CCND3: variants seen among roughly 807,000 people sequenced by gnomAD.
CCND3 encodes G1/S-specific cyclin-D3.
In CCND3, 9 loss-of-function variants were observed where a neutral mutation model predicts 28.7. That is an observed-to-expected ratio of 0.31 (90% CI 0.19 to 0.55). CCND3 has a LOEUF of 0.55. CCND3 is among the 20% of genes least tolerant of loss of function. CCND3 has a pLI of 0.93. For missense variants in CCND3, 315 were observed against 385.8 expected (o/e 0.82, Z 1.54); for synonymous variants, 164 against 163.9 (o/e 1.00, Z 0.00).
At chr6:42,049,796 G>A (rs994847804), upstream of CCND3, 2 of 152,300 alleles carry the variant, frequency 1.3e-5, no homozygotes, top group African/African-American at 4.8e-5. Flanking sequence ...ATGCTCCAGG[G>A]TTTCCCAACA....
rs1047668350 is a variant in CCND3, at chr6:41,988,854, G to A, written c.-45-48269C>T. On this transcript the variant is annotated intron_variant, in intron 1 of 4. Coordinates refer to the CCND3 transcript ENST00000372988. ...GCTGGGACTACAGGCGCCTGCCACCGCGCCCAGCTAATTTTTTTGTATTTT... is the reference window on the plus strand; with the variant it reads ...GCTGGGACTACAGGCGCCTGCCACCACGCCCAGCTAATTTTTTTGTATTTT... 3.3e-5 allele frequency among the ~76,000 whole-genome samples: 5 copies of A among 151,008 alleles called. 1 individual carries two copies. Among genetic ancestry groups the A allele is most frequent in the African/African-American group, 7.3e-5 (3 of 41,190 alleles).
intron 1 of CCND3, among the ~76,000 whole-genome samples, chr6:42,004,743 AAAAG>A (rs1763129321): frequency 6.6e-6 from 1 of 152,188 alleles, no homozygotes; most frequent in Non-Finnish European, 1.5e-5. Context: ...AAAAAAAAGA[AAAAG>A]AAAGAATAAC....
At chr6:41,998,945 C>A (rs987344284) in intron 1 of CCND3, among the ~76,000 whole-genome samples, 1 of 152,156 alleles carries the variant, frequency 6.6e-6, no homozygotes, top group African/African-American at 2.4e-5. Context: ...TCCCCAAGTG[C>A]CGGGATTACA....
intron 1 of CCND3, among the ~76,000 whole-genome samples, chr6:42,034,631 C>T (rs1431807367): frequency 1.3e-5 from 2 of 151,802 alleles, no homozygotes; most frequent in African/African-American, 2.4e-5. Flanking sequence ...GCTCGTGCCA[C>T]CATGCCCGGT....
intron 1 of CCND3, 77 bp from the exon 2 acceptor site, chr6:41,940,662 G>A (rs1775972972): frequency 9.4e-7 from 1 of 1,061,420 alleles, no homozygotes; most frequent in Non-Finnish European, 1.5e-6. Flanking sequence ...GCGCTGAAGT[G>A]AGGTGGGATA....
rs898176279 is a variant in CCND3, at chr6:42,008,006, G to A, written c.-46+40495C>T. Among the ~76,000 whole-genome samples, 6 of 152,086 alleles carry A rather than the reference G, an allele frequency of 3.9e-5. No individual in the cohort carries two copies. In the East Asian group the frequency reaches 7.7e-4, roughly 20 times the overall value. On this transcript the variant is annotated intron_variant, in intron 1 of 4. Coordinates refer to the CCND3 transcript ENST00000372988. ...CTGGCGGGGGAGCTGGGGGCTGGGGGAAGTGGGGAGAGGAAGAAAGGAGGC... is the reference window on the plus strand; with the variant it reads ...CTGGCGGGGGAGCTGGGGGCTGGGGAAAGTGGGGAGAGGAAGAAAGGAGGC...
In CCND3 at chr6:41,936,339, C is replaced by T; in HGVS notation, c.711+220G>A. On this transcript the variant is annotated intron_variant, in intron 4 of 4. Coordinates refer to ENST00000372991, the MANE Select transcript of CCND3 (RefSeq NM_001760.5). This position sits in a 1 kb window ranked among gnomAD's most constrained non-coding sequence, Gnocchi z 4.4. Reference sequence around the variant, plus strand: ...CCCCCACCCCCACTCCAGCACACCACTTGGCAAGAAAAGAACCCCTAGGGC... The same window carrying T: ...CCCCCACCCCCACTCCAGCACACCATTTGGCAAGAAAAGAACCCCTAGGGC... 1 of 668,902 alleles carries T rather than the reference C, an allele frequency of 1.5e-6. No homozygotes were observed. Among genetic ancestry groups the T allele is most frequent in the Middle Eastern group, 4.2e-4 (1 of 2,382 alleles). 41.4% of individuals were successfully genotyped at this position (668,902 alleles called of 1,614,324 possible).
At chr6:41,964,357 T>G (rs1210993633) in intron 1 of CCND3, among the ~76,000 whole-genome samples, 1 of 146,950 alleles carries the variant, frequency 6.8e-6, no homozygotes, top group Non-Finnish European at 1.5e-5. Context: ...TGTGAGTCTG[T>G]GTGTGTATGT....
At chr6:41,978,725 G>A (rs1258942751) in intron 1 of CCND3, among the ~76,000 whole-genome samples, 2 of 152,092 alleles carry the variant, frequency 1.3e-5, no homozygotes, top group East Asian at 3.8e-4. Context: ...TTTACACCCA[G>A]AGAGAAATAC....
Position 41,957,031 on chromosome 6 carries a change from AAAAC to A in CCND3, c.-45-16450_-45-16447del, listed in dbSNP as rs368447729. Among the ~76,000 whole-genome samples the A allele has an allele frequency of 8.9e-3, 1,356 of 152,316 alleles. 7 individuals carry two copies. The highest frequency in any genetic ancestry group is 0.015 in the Non-Finnish European group (1,023 of 68,016). On this transcript the variant is annotated intron_variant, in intron 1 of 4. Transcript: ENST00000372988. ...GGGCAACAGAATGAGACTCCGTCTCAAAACAAACAAACAAACAAACAAAAAACAA... is the reference window on the plus strand; with the variant it reads ...GGGCAACAGAATGAGACTCCGTCTCAAAACAAACAAACAAACAAAAAACAA...
At chr6:42,040,678 C>G (rs572109133) in intron 1 of CCND3, among the ~76,000 whole-genome samples, 1 of 151,918 alleles carries the variant, frequency 6.6e-6, no homozygotes, top group African/African-American at 2.4e-5. Context: ...ATGGTGAAAC[C>G]CAGTCTCTAC....
At chr6:41,997,468 G>A (rs1561979265) in intron 1 of CCND3, among the ~76,000 whole-genome samples, 1 of 152,114 alleles carries the variant, frequency 6.6e-6, no homozygotes, top group Non-Finnish European at 1.5e-5. Context: ...AGGTAGATTG[G>A]GAGCAAAACC....
At chr6:42,035,012 T>C (rs1388982169) in intron 1 of CCND3, among the ~76,000 whole-genome samples, 1 of 152,236 alleles carries the variant, frequency 6.6e-6, no homozygotes, top group Non-Finnish European at 1.5e-5. Context: ...CTTCAGTTAA[T>C]GATGGTAAAT....
Position 41,936,745 on chromosome 6 carries a change from C to T in CCND3, c.575-50G>A, listed in dbSNP as rs3218100. The T allele has an allele frequency of 0.068, 108,576 of 1,588,612 alleles. 4,266 individuals are homozygous for T. Among genetic ancestry groups the T allele is most frequent in the Non-Finnish European group, 0.081 (94,431 of 1,163,122 alleles). ...TGAGAGAAGGAAACCTGAAGGATAA[C>T]GGCCAGCATGGACTTCCGACTCCTT... On this transcript the variant is annotated intron_variant, in intron 3 of 4. Coordinates refer to ENST00000372991, the MANE Select transcript of CCND3 (RefSeq NM_001760.5). This position sits in a 1 kb window ranked among gnomAD's most constrained non-coding sequence, Gnocchi z 4.4.
intron 1 of CCND3, among the ~76,000 whole-genome samples, chr6:41,978,501 A>C (rs1024802494): frequency 1.3e-5 from 2 of 152,116 alleles, no homozygotes; most frequent in African/African-American, 4.8e-5. Context: ...GTGCCACTGC[A>C]CTCCAGCCTG....
intron 1 of CCND3, among the ~76,000 whole-genome samples, chr6:41,976,915 G>A (rs892408496): frequency 6.6e-6 from 1 of 152,108 alleles, no homozygotes; most frequent in Admixed American, 6.6e-5. Flanking sequence ...TGTTTGTTCA[G>A]GGTCATAGGG....
chr6:41,995,873 G>C (rs1428242190), intron 1 of CCND3, among the ~76,000 whole-genome samples: 3 of 151,774 alleles, frequency 2.0e-5, no homozygotes, highest in Non-Finnish European at 4.4e-5. Flanking sequence ...GGCCAACACA[G>C]AGAGACCCTG....
rs1313938706 is a variant in CCND3, at chr6:41,941,419, G to C, written c.198+33C>G. The C allele has an allele frequency of 3.7e-6, 6 of 1,602,780 alleles. No homozygotes were observed. The highest frequency in any genetic ancestry group is 8.5e-7 in the Non-Finnish European group (1 of 1,176,696). ...GGCCCCGGTGTGTCCAGACCCGGGAGCGGTGGGGGAGGGGGACGCGTCCGG... is the reference window on the plus strand; with the variant it reads ...GGCCCCGGTGTGTCCAGACCCGGGACCGGTGGGGGAGGGGGACGCGTCCGG... On this transcript the variant is annotated intron_variant, in intron 1 of 4. Coordinates refer to ENST00000372991, the MANE Select transcript of CCND3 (RefSeq NM_001760.5). The surrounding 1 kb of genome is among the most constrained non-coding windows in gnomAD (Gnocchi z 6.1).
intron 1 of CCND3, among the ~76,000 whole-genome samples, chr6:42,020,626 G>A (rs927068765): frequency 6.6e-5 from 10 of 152,094 alleles, no homozygotes; most frequent in Admixed American, 2.0e-4. Flanking sequence ...AAGACCACTC[G>A]GCTCTCCGGG....
Sources: gnomAD v4.1 joint callset for allele counts (sites outside exome capture counted in the v4.1 genomes callset) on GRCh38, gnomAD v4.1.1 for gene constraint, Gnocchi (gnomAD v3.1) non-coding constraint, MANE v1.5 for transcripts, NCBI Gene and HGNC (gene_info 2026-07-23, HGNC 2026-07-21) for gene names.